Variants in LMO7 observed in about 807,000 individuals in gnomAD.
The protein encoded by LMO7 is LIM domain only protein 7.
LMO7 carries 120 observed loss-of-function variants against 206.5 expected under a neutral mutation model. The ratio of observed to expected loss-of-function variants is 0.58; its 90% CI spans 0.50 to 0.68. The LOEUF is 0.68. Among genes scored for constraint, LMO7 ranks in the 30% least tolerant of loss-of-function variants. The pLI, the probability that LMO7 is intolerant of heterozygous loss-of-function variation, is 0.00. For missense variants in LMO7, 1,959 were observed against 1,957.9 expected, an observed-to-expected ratio of 1.00 and a Z score of -0.01; for synonymous variants, 706 against 681.5, an observed-to-expected ratio of 1.04 and a Z score of -0.56.
chr13:75,711,855 G>C (rs2043155403), intron 1 of LMO7, among the ~76,000 whole-genome samples: 1 of 152,152 alleles, frequency 6.6e-6, no homozygotes, highest in Admixed American at 6.5e-5. Flanking sequence ...CAGCATTCAG[G>C]TAATGCCTGT....
At chr13:75,696,109 C>A (rs1369858992) in intron 1 of LMO7, among the ~76,000 whole-genome samples, 1 of 152,188 alleles carries the variant, frequency 6.6e-6, no homozygotes, top group Non-Finnish European at 1.5e-5. Context: ...GTAATCCCAG[C>A]ACTTTGGGAG....
chr13:75,708,468 G>A (rs1809807488), intron 1 of LMO7, among the ~76,000 whole-genome samples: 1 of 152,148 alleles, frequency 6.6e-6, no homozygotes, highest in African/African-American at 2.4e-5. Flanking sequence ...GAATGGAATT[G>A]CCAGATTATA....
chr13:75,790,538 A>G (rs900525666), intron 4 of LMO7, among the ~76,000 whole-genome samples: 1 of 152,144 alleles, frequency 6.6e-6, no homozygotes, highest in African/African-American at 2.4e-5. Context: ...CACAGCATCT[A>G]TGTAGACTTT....
Position 75,840,186 on chromosome 13 carries a change from CATG to C in LMO7, c.3477+79_3477+81del, listed in dbSNP as rs2059458151. The C allele has an allele frequency of 2.0e-6, 3 of 1,465,144 alleles. No individual in the cohort carries two copies. The Admixed American group carries it at 5.2e-5, about 25-fold the overall frequency. 90.8% of individuals were successfully genotyped at this position (1,465,144 alleles called of 1,614,324 possible). A position where few individuals can be genotyped will look rare whatever the true frequency, so the allele number is the denominator to read the frequency against. On this transcript the variant is annotated intron_variant, in intron 21 of 30. Transcript: ENST00000377534. ...AATTAGTACACCGTAGCATGCTTAC[CATG>C]ATTTTAGGTTGCATAAGAATTTATC...
At chr13:75,809,401 CTT>C (rs145491219) in intron 11 of LMO7, among the ~76,000 whole-genome samples, 2,349 of 152,246 alleles carry the variant, frequency 0.015, 19 homozygotes, top group Middle Eastern at 0.041. Flanking sequence ...AAAATTTAAA[CTT>C]CAGCTTCATC....
intron 15 of LMO7, among the ~76,000 whole-genome samples, chr13:75,827,589 C>G (rs1412379511): frequency 6.6e-6 from 1 of 152,146 alleles, no homozygotes; most frequent in Non-Finnish European, 1.5e-5. Context: ...TCTAGGCTGC[C>G]AAGCTCATTC....
At chr13:75,854,865 G>C (rs1200255709) in intron 28 of LMO7, 2 of 156,496 alleles carry the variant, frequency 1.3e-5, no homozygotes, top group African/African-American at 4.8e-5. Context: ...CCACCCTTTT[G>C]GTGCTCTGAG....
In LMO7 at chr13:75,722,272, G is replaced by A. The variant is rs552411084; in HGVS notation, c.141-4757G>A. On this transcript the variant is annotated intron_variant, in intron 2 of 30. Transcript: ENST00000377534. ...CAGCAGAGTAAACAGACAACCCACA[G>A]AGTGGGAGAAAATCTTTGCAATCTA... is the stretch of plus-strand genomic sequence containing the variant. Among the ~76,000 whole-genome samples the A allele has an allele frequency of 2.0e-5, 3 of 152,308 alleles. No individual in the cohort carries two copies. The South Asian group carries it at 6.2e-4, about 32-fold the overall frequency.
chr13:75,796,763 A>T lies in LMO7; in HGVS notation c.462+14A>T. On this transcript the variant is annotated intron_variant, in intron 6 of 30. Coordinates refer to ENST00000377534, the MANE Select transcript of LMO7 (RefSeq NM_001306080.2). Reference sequence around the variant, plus strand: ...GCACTGACGAAGGTAAGTAAACTACATCTGTGTGAGATTACTGCTGTAATA... The same window carrying T: ...GCACTGACGAAGGTAAGTAAACTACTTCTGTGTGAGATTACTGCTGTAATA... 7.0e-7 allele frequency: 1 copy of T among 1,437,638 alleles called. No individual in the cohort carries two copies. Among genetic ancestry groups the T allele is most frequent in the Non-Finnish European group, 9.8e-7 (1 of 1,019,440 alleles). The allele number at this position is 1,437,638 out of a possible 1,614,324, so 89.1% of individuals were successfully genotyped here.
intron 1 of LMO7, among the ~76,000 whole-genome samples, chr13:75,656,474 A>G (rs2038071874): frequency 6.6e-6 from 1 of 152,218 alleles, no homozygotes; most frequent in Non-Finnish European, 1.5e-5. Context: ...TTTGAATTCA[A>G]AATTTTCCAT....
chr13:75,644,066 ATCTT>A (rs1427186150), intron 1 of LMO7, among the ~76,000 whole-genome samples: 1 of 152,156 alleles, frequency 6.6e-6, no homozygotes, highest in African/African-American at 2.4e-5. Flanking sequence ...TATTCTGAAG[ATCTT>A]TCTATGAATA....
chr13:75,776,052 G>A (rs561594362), intron 4 of LMO7, among the ~76,000 whole-genome samples: 5 of 146,632 alleles, frequency 3.4e-5, no homozygotes, highest in Admixed American at 2.7e-4. Context: ...CAGAATTAAC[G>A]TAAGTGTCCA....
intron 30 of LMO7, 41 bp from the exon 31 acceptor site, chr13:75,857,880 G>A: frequency 6.8e-7 from 1 of 1,473,258 alleles, no homozygotes; most frequent in Non-Finnish European, 9.3e-7. Flanking sequence ...TCACGTTTCT[G>A]AATCTAAGCA....
intron 15 of LMO7, among the ~76,000 whole-genome samples, chr13:75,826,067 G>A (rs2058086470): frequency 6.6e-6 from 1 of 151,270 alleles, no homozygotes; most frequent in African/African-American, 2.4e-5. Context: ...TTTAGATAGG[G>A]TCTTGCTCTG....
chr13:75,722,311 G>T (rs1029981279), intron 2 of LMO7, among the ~76,000 whole-genome samples: 1 of 152,046 alleles, frequency 6.6e-6, no homozygotes, highest in African/African-American at 2.4e-5. Flanking sequence ...ATCTGACAAA[G>T]GACTGATATC....
At chr13:75,744,682 T>C (rs895322162) in intron 3 of LMO7, among the ~76,000 whole-genome samples, 14 of 152,354 alleles carry the variant, frequency 9.2e-5, no homozygotes, top group African/African-American at 3.4e-4. Context: ...GGCCCATGAC[T>C]GTGCTTCCCA....
intron 5 of LMO7, among the ~76,000 whole-genome samples, chr13:75,795,725 C>T (rs1471473344): frequency 6.6e-6 from 1 of 152,112 alleles, no homozygotes; most frequent in Non-Finnish European, 1.5e-5. Flanking sequence ...AGGACATGAT[C>T]TTGTTTCTTT....
intron 3 of LMO7, among the ~76,000 whole-genome samples, chr13:75,736,469 A>G (rs2045830686): frequency 6.6e-6 from 1 of 152,250 alleles, no homozygotes; most frequent in Non-Finnish European, 1.5e-5. Context: ...TAATATACAG[A>G]TGGTCTGACA....
chr13:75,730,833 T>A (rs2045110034), intron 3 of LMO7, among the ~76,000 whole-genome samples: 1 of 134,526 alleles, frequency 7.4e-6, no homozygotes, highest in South Asian at 2.5e-4. Context: ...GTTGTGTCTT[T>A]GTTCTCGTTG....
Sources: allele counts gnomAD v4.1 joint callset (sites outside exome capture counted in the v4.1 genomes callset), GRCh38; gene constraint gnomAD v4.1.1; transcripts MANE v1.5; gene names NCBI Gene and HGNC (gene_info 2026-07-23, HGNC 2026-07-21).